Variants in TRPC1 observed in about 807,000 individuals in gnomAD.
TRPC1 encodes the protein transient receptor potential cation channel subfamily C member 1, also known as short transient receptor potential channel 1.
TRPC1 carries 42 observed loss-of-function variants against 88.2 expected under a neutral mutation model. The observed-to-expected ratio is 0.48, with a 90% CI of 0.37 to 0.62. The LOEUF is 0.62. Among genes scored for constraint, TRPC1 ranks in the 20% least tolerant of loss-of-function variants. TRPC1 has a pLI of 0.00. For synonymous variants in TRPC1, 288 were observed against 331.8 expected (o/e 0.87, Z 1.43); for missense variants, 699 against 957.3 (o/e 0.73, Z 3.56).
intron 1 of TRPC1, among the ~76,000 whole-genome samples, chr3:142,727,893 G>A (rs1203109420): frequency 1.3e-5 from 2 of 151,932 alleles, no homozygotes; most frequent in African/African-American, 4.8e-5. Flanking sequence ...GGCACCTATG[G>A]TGTCCCTCAG....
chr3:142,728,833 G>A (rs980776965), intron 1 of TRPC1, among the ~76,000 whole-genome samples: 4 of 152,128 alleles, frequency 2.6e-5, no homozygotes, highest in African/African-American at 9.7e-5. Flanking sequence ...TTTGAAGTCT[G>A]GTATTAGAGA....
rs144958504 is a variant in TRPC1 at position 142,799,937 on chromosome 3, A to G, written c.1582-2232A>G. Among the ~76,000 whole-genome samples the G allele has an allele frequency of 4.2e-3, 639 of 152,308 alleles. 6 individuals carry two copies. Among genetic ancestry groups the G allele is most frequent in the African/African-American group, 0.015 (612 of 41,562 alleles). On this transcript the variant is annotated intron_variant, in intron 9 of 12. Transcript: ENST00000476941. Reference sequence around the variant, plus strand: ...GTTAAATTAAAGCTACTTTGACTACATGTTTTAAAATTAAAATGATATCAT... The same window carrying G: ...GTTAAATTAAAGCTACTTTGACTACGTGTTTTAAAATTAAAATGATATCAT...
In TRPC1 at chr3:142,780,040, G is replaced by C. The variant is rs545882771; in HGVS notation, c.765-794G>C. On this transcript the variant is annotated intron_variant, in intron 5 of 12. Coordinates refer to ENST00000476941, the MANE Select transcript of TRPC1 (RefSeq NM_001251845.2). ...TTTTTGTATTTTTTAGTAGAGACAG[G>C]GTTTTGCCATGTTGGCCAGGCTGGT... is the stretch of plus-strand genomic sequence containing the variant. 1.3e-4 allele frequency among the ~76,000 whole-genome samples: 19 copies of C among 151,998 alleles called. No individual in the cohort carries two copies. In the South Asian group the frequency reaches 3.5e-3, roughly 28 times the overall value.
At chr3:142,759,390 T>C (rs914969627) in intron 4 of TRPC1, among the ~76,000 whole-genome samples, 6 of 152,350 alleles carry the variant, frequency 3.9e-5, no homozygotes, top group Admixed American at 3.9e-4. Flanking sequence ...AGATGGTATC[T>C]TACTGTGGTT....
chr3:142,760,772 G>T (rs1447230966), intron 4 of TRPC1, among the ~76,000 whole-genome samples: 1 of 151,694 alleles, frequency 6.6e-6, no homozygotes, highest in Non-Finnish European at 1.5e-5. Context: ...GAGTTTTATG[G>T]TCTTCCTTGC....
chr3:142,758,598 TTTTG>T (rs1384924394), intron 4 of TRPC1, among the ~76,000 whole-genome samples: 2 of 152,222 alleles, frequency 1.3e-5, no homozygotes, highest in African/African-American at 2.4e-5. Flanking sequence ...GAGTTGGCTC[TTTTG>T]TTTGTTTTGT....
At chr3:142,736,711 G>A (rs896865673) in intron 2 of TRPC1, among the ~76,000 whole-genome samples, 178 bp downstream of exon 2, 1 of 151,484 alleles carries the variant, frequency 6.6e-6, no homozygotes, top group Non-Finnish European at 1.5e-5. Flanking sequence ...GGCACTAAAA[G>A]TTTTAAAAAC....
At chr3:142,787,972 AG>A (rs1936182036) in intron 7 of TRPC1, among the ~76,000 whole-genome samples, 1 of 152,188 alleles carries the variant, frequency 6.6e-6, no homozygotes. Flanking sequence ...AATGGTACAA[AG>A]AAGGGTCTGA....
At position 142,729,155 on chromosome 3, in the gene TRPC1, C is replaced by T. The variant is rs115637630; in HGVS notation, c.172+4424C>T. Among the ~76,000 whole-genome samples the T allele has an allele frequency of 5.1e-3, 776 of 152,298 alleles. 8 individuals are homozygous for T. The highest frequency in any genetic ancestry group is 0.018 in the African/African-American group (758 of 41,568). The stretch of plus-strand genomic sequence containing the variant: ...CAACAGCAACGAAAGACTCAAATTG[C>T]GAAAATCTTAGTGGATAATTTATCT... On this transcript the variant is annotated intron_variant, in intron 1 of 12. Transcript: ENST00000476941.
At chr3:142,779,559 A>G (rs965016593) in intron 5 of TRPC1, among the ~76,000 whole-genome samples, 4 of 152,178 alleles carry the variant, frequency 2.6e-5, no homozygotes, top group Non-Finnish European at 5.9e-5. Flanking sequence ...AATAAATCCA[A>G]TTACTTATTT....
At chr3:142,798,022 C>G (rs111616304) in intron 9 of TRPC1, among the ~76,000 whole-genome samples, 32 of 152,020 alleles carry the variant, frequency 2.1e-4, no homozygotes, top group African/African-American at 7.5e-4. Context: ...TTAGAGAAAC[C>G]GAGGAGTCAT....
At chr3:142,805,886 A>AG in intron 12 of TRPC1, 122 bp from the exon 13 acceptor site, 1 of 782,064 alleles carries the variant, frequency 1.3e-6, no homozygotes, top group Non-Finnish European at 2.0e-6. Context: ...ACCATGTAGT[A>AG]GAAAAACTAT....
chr3:142,783,688 C>A (rs1936035367), intron 6 of TRPC1, among the ~76,000 whole-genome samples: 1 of 152,120 alleles, frequency 6.6e-6, no homozygotes, highest in Admixed American at 6.5e-5. Context: ...GCACAATAAA[C>A]AACAAAACTC....
rs1388780850 is a variant in TRPC1, at chr3:142,806,916, A to G, written c.*681A>G. The G allele has an allele frequency of 2.6e-5, 4 of 151,726 alleles. No homozygotes were observed. The highest frequency in any genetic ancestry group is 5.9e-5 in the Non-Finnish European group (4 of 67,918). The allele number at this position is 151,726 out of a possible 1,614,324, so 9.4% of individuals were successfully genotyped here. ...CTTAATATTTTATATATACATTTCC[A>G]TGTATTGATGTAGTTAGTCCACATT... On this transcript the variant is annotated 3_prime_UTR_variant, in exon 13 of 13. Coordinates refer to ENST00000476941, the MANE Select transcript of TRPC1 (RefSeq NM_001251845.2).
chr3:142,758,239 TAC>T (rs1935047198), intron 4 of TRPC1, among the ~76,000 whole-genome samples: 1 of 152,222 alleles, frequency 6.6e-6, no homozygotes, highest in African/African-American at 2.4e-5. Flanking sequence ...TATAATTATT[TAC>T]ATTTCCAGCA....
Position 142,724,755 on chromosome 3 carries a change from T to G in TRPC1, c.172+24T>G. On this transcript the variant is annotated intron_variant, in intron 1 of 12. Transcript: ENST00000476941. This position sits in a 1 kb window ranked among gnomAD's most constrained non-coding sequence, Gnocchi z 5.6. Reference sequence around the variant, plus strand: ...GGGTGAGAGTTAGGCCCCTTTCTCCTCTGGACGCCCCTGTCCTCCAGACCT... The same window carrying G: ...GGGTGAGAGTTAGGCCCCTTTCTCCGCTGGACGCCCCTGTCCTCCAGACCT... The G allele has an allele frequency of 6.5e-7, 1 of 1,540,280 alleles. No individual in the cohort carries two copies.
At chr3:142,789,953 T>A (rs970407499) in intron 7 of TRPC1, among the ~76,000 whole-genome samples, 31 of 152,228 alleles carry the variant, frequency 2.0e-4, no homozygotes, top group African/African-American at 7.5e-4. Context: ...AATCAATTAA[T>A]AATAGACCTA....
Position 142,792,918 on chromosome 3 carries a change from T to G in TRPC1, c.1532T>G (p.Leu511Arg), listed in dbSNP as rs1284350941. ...GCATTTGCAAATGTTCTAAGTTATC[T>G]TCGTCTCTTTTTTATGTATACAACC... Reference protein sequence around the residue: ...LFAFANVLSYLRLFFMYTTSS... With the variant: ...LFAFANVLSYRRLFFMYTTSS... The change falls in exon 9 of 13, where the codon CTT becomes CGT. Residue 511 changes from leucine (L) to arginine (R), a missense_variant. Physicochemically the swap from Leu to Arg is moderately radical, Grantham distance 102. Around this residue, in one of 4 missense-constraint regions of TRPC1, gnomAD observed 426 missense variants for 641.3 expected, o/e 0.66. Coordinates refer to ENST00000476941, the MANE Select transcript of TRPC1 (RefSeq NM_001251845.2). This position sits in a 1 kb window ranked among gnomAD's most constrained non-coding sequence, Gnocchi z 4.0. 6.2e-7 allele frequency: 1 copy of G among 1,610,696 alleles called. No individual in the cohort carries two copies.
At chr3:142,755,021 A>G (rs534914260) in intron 4 of TRPC1, among the ~76,000 whole-genome samples, 1 of 152,318 alleles carries the variant, frequency 6.6e-6, no homozygotes, top group African/African-American at 2.4e-5. Context: ...GTATTGTTCA[A>G]TCCCAATTTT....
Sources: gnomAD v4.1 joint callset for allele counts (sites outside exome capture counted in the v4.1 genomes callset) on GRCh38, gnomAD v4.1.1 for gene constraint, gnomAD v4.1.1 regional missense constraint, Gnocchi (gnomAD v3.1) non-coding constraint, MANE v1.5 for transcripts, NCBI Gene and HGNC (gene_info 2026-07-23, HGNC 2026-07-21) for gene names.